Variants in HTATIP2 observed in about 807,000 individuals in gnomAD.
HTATIP2 encodes the protein HIV-1 Tat interactive protein 2.
Under a neutral mutation model 24.7 loss-of-function variants are expected in HTATIP2, and 26 were observed. That is an observed-to-expected ratio of 1.05 (90% CI 0.77 to 1.46). The LOEUF (loss-of-function observed/expected upper bound fraction) is 1.46, where lower values mean the gene tolerates loss of function less well. Ranked by LOEUF, HTATIP2 falls within the 40% of genes most tolerant of loss-of-function variation. The pLI, the probability that HTATIP2 is intolerant of heterozygous loss-of-function variation, is 0.00. For synonymous variants in HTATIP2, 99 were observed against 113.2 expected, an observed-to-expected ratio of 0.87 and a Z score of 0.79; for missense variants, 284 against 289.6, an observed-to-expected ratio of 0.98 and a Z score of 0.14.
At chr11:20,369,549 G>T (rs2064748713) in intron 2 of HTATIP2, among the ~76,000 whole-genome samples, 1 of 152,176 alleles carries the variant, frequency 6.6e-6, no homozygotes, top group South Asian at 2.1e-4. Flanking sequence ...TGAGATCCAG[G>T]TCTCAGCAGG....
chr11:20,367,753 C>T, intron 2 of HTATIP2: 1 of 769,706 alleles, frequency 1.3e-6, no homozygotes, highest in Non-Finnish European at 1.6e-6. Flanking sequence ...ATTCAACCAG[C>T]CTCCAGCGAT....
chr11:20,379,101 C>T (rs1848485104), intron 3 of HTATIP2, among the ~76,000 whole-genome samples: 1 of 152,148 alleles, frequency 6.6e-6, no homozygotes, highest in African/African-American at 2.4e-5. Flanking sequence ...AGCTGTTAAG[C>T]GGCAAAGCTA....
chr11:20,365,983 A>G (rs2064698774), intron 1 of HTATIP2, among the ~76,000 whole-genome samples: 1 of 151,434 alleles, frequency 6.6e-6, no homozygotes, highest in African/African-American at 2.4e-5. Context: ...AAAAAAAAAA[A>G]AAAAAAGAAA....
Position 20,383,202 on chromosome 11 carries a change from A to G in HTATIP2, c.726A>G (p.Pro242=), listed in dbSNP as rs1202259973. ...DLGKAHGSLK[P] Reference sequence around the variant, plus strand: ...GGAAAGCGCATGGCTCTCTCAAGCCATGACCACATTGGAGAAATGGTTTTT... The same window carrying G: ...GGAAAGCGCATGGCTCTCTCAAGCCGTGACCACATTGGAGAAATGGTTTTT... Residue 242 remains proline, a synonymous_variant, in exon 5 of 5, where the codon CCA becomes CCG. Transcript: ENST00000451739. The G allele has an allele frequency of 1.2e-6, 2 of 1,611,624 alleles. No homozygotes were observed. Among genetic ancestry groups the G allele is most frequent in the Admixed American group, 3.3e-5 (2 of 59,860 alleles).
intron 3 of HTATIP2, among the ~76,000 whole-genome samples, chr11:20,378,001 C>T (rs955849809): frequency 5.3e-5 from 8 of 152,150 alleles, no homozygotes; most frequent in Non-Finnish European, 8.8e-5. Context: ...TGATATTATA[C>T]TGGAACTGCA....
rs866873343 is a variant in HTATIP2, at chr11:20,376,631, G to A, written c.355G>A (p.Ala119Thr). The A allele has an allele frequency of 1.2e-6, 2 of 1,613,968 alleles. No individual in the cohort carries two copies. Among genetic ancestry groups the A allele is most frequent in the African/African-American group, 1.3e-5 (1 of 75,012 alleles). Residue 119 changes from alanine to threonine, a missense_variant, in exon 3 of 5, where the codon GCA (alanine) becomes ACA (threonine). Physicochemically the swap from Ala to Thr is moderately conservative, Grantham distance 58 (BLOSUM62 0). Coordinates refer to ENST00000451739, the MANE Select transcript of HTATIP2 (RefSeq NM_001098522.2). ...RDYVLKSAEL[A>T]KAGGCKHFNL... ...TTATGTGCTGAAGTCTGCAGAGCTG[G>A]CAAAAGCTGGAGGGTGCAAACATTT...
At chr11:20,364,540 G>A (rs1248247771) in intron 1 of HTATIP2, 108 bp downstream of exon 1, 1 of 1,001,906 alleles carries the variant, frequency 1.0e-6, no homozygotes, top group Non-Finnish European at 1.4e-6. Context: ...GGTAGTGAGA[G>A]GCCATCAAAA....
intron 1 of HTATIP2, among the ~76,000 whole-genome samples, chr11:20,366,537 T>C (rs1293916380): frequency 2.0e-5 from 3 of 152,124 alleles, no homozygotes; most frequent in Non-Finnish European, 4.4e-5. Context: ...ACTGATAAGG[T>C]TAGATGGAGG....
chr11:20,381,482 A>AT (rs1433280231), intron 3 of HTATIP2, among the ~76,000 whole-genome samples: 2 of 151,996 alleles, frequency 1.3e-5, no homozygotes, highest in Admixed American at 6.6e-5. Flanking sequence ...AAATTAAAAA[A>AT]TTTTTAAAAA....
rs1392143112 is a variant in HTATIP2 at position 20,364,192 on chromosome 11, C to A, written c.-46C>A. 1 of 1,546,594 alleles carries A rather than the reference C, an allele frequency of 6.5e-7. No individual in the cohort carries two copies. Among genetic ancestry groups the A allele is most frequent in the East Asian group, 2.3e-5 (1 of 43,888 alleles). On this transcript the variant is annotated 5_prime_UTR_variant, in exon 1 of 5. Transcript: ENST00000451739. ...GTTCCTCGGGATAAGGACTGGCAGT[C>A]CCCTGACACCCTAAGACCGGCATCT...
chr11:20,364,546 C>G (rs982409418), intron 1 of HTATIP2, 114 bp downstream of exon 1: 2 of 911,436 alleles, frequency 2.2e-6, no homozygotes, highest in Non-Finnish European at 3.3e-6. Context: ...GAGAGGCCAT[C>G]AAAACTTGGC....
At position 20,382,986 on chromosome 11, in the gene HTATIP2, G is replaced by C. The variant is rs1442424974; in HGVS notation, c.510G>C (p.Leu170=). 6.2e-7 allele frequency: 1 copy of C among 1,600,598 alleles called. No individual in the cohort carries two copies. Among genetic ancestry groups the C allele is most frequent in the Non-Finnish European group, 8.5e-7 (1 of 1,173,588 alleles). ...DRYSVFRPGV[L]LCDRQESRPG... ...TTTTTTTTTTTTATTTTAGAGTTCT[G>C]TTATGTGATAGGCAAGAATCTCGCC... Residue 170 remains leucine (L), a synonymous_variant, in exon 5 of 5, where the codon CTG becomes CTC. Coordinates refer to ENST00000451739, the MANE Select transcript of HTATIP2 (RefSeq NM_001098522.2).
At chr11:20,373,497 C>T (rs2064793463) in intron 2 of HTATIP2, among the ~76,000 whole-genome samples, 1 of 152,126 alleles carries the variant, frequency 6.6e-6, no homozygotes, top group South Asian at 2.1e-4. Context: ...CAGCGTCGGT[C>T]AGGAGACTTG....
rs1394265616 is a variant in HTATIP2 at position 20,383,546 on chromosome 11, A to G, written c.*341A>G. 2 of 256,858 alleles carry G rather than the reference A, an allele frequency of 7.8e-6. No homozygotes were observed. Among genetic ancestry groups the G allele is most frequent in the Non-Finnish European group, 7.5e-6 (1 of 133,858 alleles). 15.9% of individuals were successfully genotyped at this position (256,858 alleles called of 1,614,324 possible). The stretch of plus-strand genomic sequence containing the variant: ...CACTGGCTGGGGGGCCTGCTTTGAA[A>G]TGCTTGTCTGCAGAGTCACAGCAGC... On this transcript the variant is annotated 3_prime_UTR_variant, in exon 5 of 5. Coordinates refer to ENST00000451739, the MANE Select transcript of HTATIP2 (RefSeq NM_001098522.2).
At chr11:20,374,861 C>T (rs538195656) in intron 2 of HTATIP2, among the ~76,000 whole-genome samples, 1 of 152,290 alleles carries the variant, frequency 6.6e-6, no homozygotes, top group African/African-American at 2.4e-5. Context: ...GTTGTTTTAG[C>T]ATGATTCATC....
rs1296051372 is a variant in HTATIP2, at chr11:20,383,498, C to A, written c.*293C>A. ...TGTAATTTTCTTTGTTTATACTTCC[C>A]CTGATGCCACTGGTTCCGATGCCAC... On this transcript the variant is annotated 3_prime_UTR_variant, in exon 5 of 5. Transcript: ENST00000451739. 1.2e-5 allele frequency: 4 copies of A among 335,734 alleles called. No homozygotes were observed. The highest frequency in any genetic ancestry group is 2.2e-5 in the Non-Finnish European group (4 of 183,418). The allele number at this position is 335,734 out of a possible 1,614,324, so 20.8% of individuals were successfully genotyped here.
chr11:20,367,334 T>G, intron 2 of HTATIP2, 53 bp downstream of exon 2: 2 of 1,612,426 alleles, frequency 1.2e-6, no homozygotes. Flanking sequence ...ATATCAAGGA[T>G]TCTTTTCTTG....
Position 20,383,235 on chromosome 11 carries a change from A to T in HTATIP2, c.*30A>T. 2.0e-6 allele frequency: 3 copies of T among 1,512,300 alleles called. No homozygotes were observed. The highest frequency in any genetic ancestry group is 1.2e-5 in the South Asian group (1 of 85,984). 93.7% of individuals were successfully genotyped at this position (1,512,300 alleles called of 1,614,324 possible). A position where few individuals can be genotyped will look rare whatever the true frequency, so the allele number is the denominator to read the frequency against. On this transcript the variant is annotated 3_prime_UTR_variant, in exon 5 of 5. Coordinates refer to ENST00000451739, the MANE Select transcript of HTATIP2 (RefSeq NM_001098522.2). The stretch of plus-strand genomic sequence containing the variant: ...ATTGGAGAAATGGTTTTTATTGTCA[A>T]CCTTAACACCCATCACCAAATCGGT...
chr11:20,382,143 C>T (rs200855742), intron 3 of HTATIP2, 35 bp from the exon 4 acceptor site: 109 of 1,309,956 alleles, frequency 8.3e-5, no homozygotes, highest in Middle Eastern at 7.4e-4. Context: ...GAGCTGGTCG[C>T]GATTAAATAC....
Sources: gnomAD v4.1 joint callset for allele counts (sites outside exome capture counted in the v4.1 genomes callset) on GRCh38, gnomAD v4.1.1 for gene constraint, MANE v1.5 for transcripts, NCBI Gene and HGNC (gene_info 2026-07-23, HGNC 2026-07-21) for gene names.